KDM4C: variants seen among roughly 807,000 people sequenced by gnomAD.
The protein encoded by KDM4C is lysine-specific demethylase 4C.
KDM4C carries 81 observed loss-of-function variants against 129.3 expected under a neutral mutation model. That is an observed-to-expected ratio of 0.63 (90% CI 0.52 to 0.75). The LOEUF (loss-of-function observed/expected upper bound fraction) is 0.75, where lower values mean the gene tolerates loss of function less well. Ranked by LOEUF, KDM4C falls within the 30% of genes least tolerant of loss-of-function variation. The pLI is 0.00. For synonymous variants in KDM4C, 573 were observed against 456.1 expected (o/e 1.26, Z -3.26); for missense variants, 1,457 against 1,304.0 (o/e 1.12, Z -1.81).
intron 5 of KDM4C, among the ~76,000 whole-genome samples, chr9:6,875,701 T>A (rs73639384): frequency 0.032 from 4,851 of 152,310 alleles, 114 homozygotes; most frequent in African/African-American, 0.061. Flanking sequence ...GAGCACTTGA[T>A]GTTGCTGAGA....
intron 17 of KDM4C, among the ~76,000 whole-genome samples, chr9:7,067,640 T>A (rs1322384133): frequency 6.6e-6 from 1 of 152,192 alleles, no homozygotes; most frequent in African/African-American, 2.4e-5. Context: ...ATTTTTATAT[T>A]TTATTTTCAA....
chr9:6,899,018 A>G (rs554253208), intron 8 of KDM4C, among the ~76,000 whole-genome samples: 3 of 151,798 alleles, frequency 2.0e-5, no homozygotes, highest in African/African-American at 7.2e-5. Context: ...CATGACATAT[A>G]TAATATGAAC....
chr9:6,783,511 A>T (rs547986238), intron 1 of KDM4C, among the ~76,000 whole-genome samples: 4 of 152,282 alleles, frequency 2.6e-5, no homozygotes, highest in Non-Finnish European at 5.9e-5. Flanking sequence ...AGGACAGTTG[A>T]GGCCAGCATG....
intron 8 of KDM4C, among the ~76,000 whole-genome samples, chr9:6,960,414 G>A (rs1214835392): frequency 6.6e-6 from 1 of 151,432 alleles, no homozygotes; most frequent in Non-Finnish European, 1.5e-5. Flanking sequence ...TGAGTAGCTG[G>A]AACTATAAGC....
intron 17 of KDM4C, among the ~76,000 whole-genome samples, chr9:7,080,161 C>G (rs1246665462): frequency 1.3e-5 from 2 of 152,204 alleles, no homozygotes; most frequent in Non-Finnish European, 2.9e-5. Flanking sequence ...ATAACCCAGC[C>G]TCCCTTACTG....
At chr9:7,127,360 G>T (rs1035056117) in intron 18 of KDM4C, among the ~76,000 whole-genome samples, 2 of 152,104 alleles carry the variant, frequency 1.3e-5, no homozygotes, top group African/African-American at 4.8e-5. Flanking sequence ...TATCATTGAG[G>T]GGTAAGCAAA....
rs116067325 is a variant in KDM4C, at chr9:6,926,559, C to T, written c.921+33327C>T. Among the ~76,000 whole-genome samples, 942 of 152,210 alleles carry T rather than the reference C, an allele frequency of 6.2e-3. 9 individuals are homozygous for T. The highest frequency in any genetic ancestry group is 0.022 in the African/African-American group (896 of 41,538). On this transcript the variant is annotated intron_variant, in intron 8 of 21. Coordinates refer to ENST00000381309, the MANE Select transcript of KDM4C (RefSeq NM_015061.6). ...GATTATTTCCTCCTCAGTGAGAATC[C>T]GCTCTTTCTAGTCTTAACCTCAGAC...
At chr9:6,754,551 C>G (rs570106326), upstream of KDM4C, among the ~76,000 whole-genome samples, 2 of 152,224 alleles carry the variant, frequency 1.3e-5, no homozygotes, top group African/African-American at 2.4e-5. Flanking sequence ...TGTACTTCAA[C>G]AGATTCAAAA....
In KDM4C at chr9:6,889,056, G is replaced by A. The variant is rs1588947426; in HGVS notation, c.783+993G>A. Among the ~76,000 whole-genome samples, 2 of 31,334 alleles carry A rather than the reference G, an allele frequency of 6.4e-5. 1 individual carries two copies. Among genetic ancestry groups the A allele is most frequent in the Non-Finnish European group, 1.3e-4 (2 of 15,716 alleles). 20.6% of individuals were successfully genotyped at this position (31,334 alleles called of 152,430 possible). On this transcript the variant is annotated intron_variant, in intron 7 of 21. Transcript: ENST00000381309. ...GCCCGCCTCGGCCTCCCAAAGTGCT[G>A]GGATTACAGGCGTGAGCCACCGCGC... is the stretch of plus-strand genomic sequence containing the variant.
chr9:6,871,305 A>C (rs1188713425), intron 5 of KDM4C, among the ~76,000 whole-genome samples: 4 of 152,054 alleles, frequency 2.6e-5, no homozygotes, highest in Admixed American at 2.0e-4. Context: ...AGTTCAAGGT[A>C]GTGTTTGTTT....
At chr9:6,822,020 A>G (rs975732904) in intron 4 of KDM4C, among the ~76,000 whole-genome samples, 1 of 152,214 alleles carries the variant, frequency 6.6e-6, no homozygotes, top group Non-Finnish European at 1.5e-5. Context: ...ACAGTAACCT[A>G]TGGCAACAGT....
intron 12 of KDM4C, among the ~76,000 whole-genome samples, chr9:7,009,242 C>T (rs1297960414): frequency 2.0e-5 from 3 of 152,144 alleles, no homozygotes; most frequent in African/African-American, 7.2e-5. Flanking sequence ...AACACAATAA[C>T]TGAACTGAAA....
At chr9:6,880,195 T>C in intron 6 of KDM4C, 134 bp downstream of exon 6, 1 of 466,160 alleles carries the variant, frequency 2.1e-6, no homozygotes, top group Non-Finnish European at 3.8e-6. Context: ...TTATTGACTT[T>C]TACATGTTTT....
chr9:6,758,113 T>G lies in KDM4C; in HGVS notation c.-108T>G, dbSNP rs944356387. The stretch of plus-strand genomic sequence containing the variant: ...GCTGTCACCTAGTGCGGAACAAGTC[T>G]CCCAAATTTCCCAAATCTCCCTGGG... On this transcript the variant is annotated 5_prime_UTR_variant, in exon 1 of 22. Coordinates refer to ENST00000381309, the MANE Select transcript of KDM4C (RefSeq NM_015061.6). The surrounding 1 kb of genome is among the most constrained non-coding windows in gnomAD (Gnocchi z 4.6). The G allele has an allele frequency of 1.0e-6, 1 of 985,402 alleles. No homozygotes were observed. The allele number at this position is 985,402 out of a possible 1,614,324, so 61.0% of individuals were successfully genotyped here.
At chr9:7,058,616 C>G (rs76588849) in intron 17 of KDM4C, among the ~76,000 whole-genome samples, 5,861 of 152,178 alleles carry the variant, frequency 0.039, 381 homozygotes, top group African/African-American at 0.13. Context: ...TTGTATTCTC[C>G]AATGCCAGGC....
rs544740462 is a variant in KDM4C, at chr9:7,159,896, C to A, written c.2782-5342C>A. Among the ~76,000 whole-genome samples the A allele has an allele frequency of 1.1e-3, 174 of 152,222 alleles. 1 individual carries two copies. Among genetic ancestry groups the A allele is most frequent in the African/African-American group, 4.0e-3 (166 of 41,538 alleles). On this transcript the variant is annotated intron_variant, in intron 19 of 21. Transcript: ENST00000381309. Reference sequence around the variant, plus strand: ...TTGGACTCGCTTGCTAGGTTGGGGACGTTCTCCTGGATACTATCCTGACGA... The same window carrying A: ...TTGGACTCGCTTGCTAGGTTGGGGAAGTTCTCCTGGATACTATCCTGACGA...
chr9:6,915,791 T>A (rs534108568), intron 8 of KDM4C, among the ~76,000 whole-genome samples: 2 of 152,210 alleles, frequency 1.3e-5, no homozygotes, highest in East Asian at 3.9e-4. Flanking sequence ...CACTTCCAGC[T>A]TCCTTTGGAA....
intron 18 of KDM4C, among the ~76,000 whole-genome samples, chr9:7,120,295 T>C (rs190431782): frequency 6.6e-6 from 1 of 152,296 alleles, no homozygotes; most frequent in East Asian, 1.9e-4. Flanking sequence ...TTGTAATCAT[T>C]GGTAGTTAGC....
Position 6,907,232 on chromosome 9 carries a change from G to A in KDM4C, c.921+14000G>A, listed in dbSNP as rs1015212076. ...TAGCATGAAGCTGTATTTTTAAAAA[G>A]CAATCTTAAAAATATGTAAATTGAA... is the stretch of plus-strand genomic sequence containing the variant. On this transcript the variant is annotated intron_variant, in intron 8 of 21. Transcript: ENST00000381309. Among the ~76,000 whole-genome samples, 4 of 152,062 alleles carry A rather than the reference G, an allele frequency of 2.6e-5. No individual in the cohort carries two copies. In the East Asian group the frequency reaches 5.8e-4, roughly 22 times the overall value.
Sources: gnomAD v4.1 joint callset for allele counts (sites outside exome capture counted in the v4.1 genomes callset) on GRCh38, gnomAD v4.1.1 for gene constraint, Gnocchi (gnomAD v3.1) non-coding constraint, MANE v1.5 for transcripts, NCBI Gene and HGNC (gene_info 2026-07-23, HGNC 2026-07-21) for gene names.